Variants in FRK observed in about 807,000 individuals in gnomAD.
The protein encoded by FRK is tyrosine-protein kinase FRK.
A neutral mutation model predicts 56.4 loss-of-function variants in FRK; 51 were observed. That is an observed-to-expected ratio of 0.90 (90% CI 0.72 to 1.14). FRK has a LOEUF of 1.14. FRK is among the 50% of genes most tolerant of loss of function. The pLI is 0.00. For synonymous variants in FRK, 245 were observed against 217.9 expected (o/e 1.12, Z -1.10); for missense variants, 570 against 601.4 (o/e 0.95, Z 0.55).
chr6:115,994,901 A>G (rs1774776695), intron 2 of FRK, among the ~76,000 whole-genome samples: 1 of 152,128 alleles, frequency 6.6e-6, no homozygotes, highest in Non-Finnish European at 1.5e-5. Flanking sequence ...AAATGAAGGG[A>G]GCTATGTGGT....
At chr6:116,096,483 A>G in the FRK span, among the ~76,000 whole-genome samples, 3 of 152,304 alleles carry the variant, frequency 2.0e-5, no homozygotes, top group South Asian at 4.1e-4. Flanking sequence ...TAGCTAAAAG[A>G]CTGTAAACAC....
At chr6:116,059,509 G>T (rs1777534836) in intron 1 of FRK, among the ~76,000 whole-genome samples, 1 of 152,104 alleles carries the variant, frequency 6.6e-6, no homozygotes, top group South Asian at 2.1e-4. Context: ...AAGGGATTAG[G>T]ATTAGAGCTA....
chr6:115,999,433 G>A (rs1371871139), intron 2 of FRK, among the ~76,000 whole-genome samples: 1 of 152,108 alleles, frequency 6.6e-6, no homozygotes, highest in African/African-American at 2.4e-5. Flanking sequence ...GCAGACAGCC[G>A]TGCAGGGATC....
chr6:116,053,672 T>C (rs1777265668), intron 1 of FRK, among the ~76,000 whole-genome samples: 1 of 152,182 alleles, frequency 6.6e-6, no homozygotes, highest in African/African-American at 2.4e-5. Context: ...GCTCAGTAGT[T>C]AATGATTTAT....
the FRK span, among the ~76,000 whole-genome samples, chr6:116,083,361 G>GA: frequency 3.8e-4 from 57 of 149,770 alleles, no homozygotes; most frequent in African/African-American, 1.0e-3. Context: ...GTTTGCATGG[G>GA]AAAAAAAAAG....
chr6:116,065,472 A>G (rs1777743813), upstream of FRK, among the ~76,000 whole-genome samples: 1 of 152,224 alleles, frequency 6.6e-6, no homozygotes, highest in South Asian at 2.1e-4. Context: ...TCTTCTGCAT[A>G]CCTGTTGACC....
rs1383318819 is a variant in FRK, at chr6:115,932,863, T to G, written c.*9551A>C. The stretch of plus-strand genomic sequence containing the variant: ...CCCCTCCTGGTTCATTAGATCCACA[T>G]GGTCATCATACAGATATTGTGGGTA... On this transcript the variant is annotated 3_prime_UTR_variant, in exon 8 of 8. Transcript: ENST00000606080. The G allele has an allele frequency of 6.6e-6, 1 of 152,250 alleles. No homozygotes were observed. Among genetic ancestry groups the G allele is most frequent in the East Asian group, 1.9e-4 (1 of 5,182 alleles). The allele number at this position is 152,250 out of a possible 1,614,324, so 9.4% of individuals were successfully genotyped here.
intron 5 of FRK, among the ~76,000 whole-genome samples, chr6:115,948,296 G>A (rs1562250380): frequency 6.6e-6 from 1 of 152,148 alleles, no homozygotes; most frequent in Non-Finnish European, 1.5e-5. Context: ...GGAGTCAAAT[G>A]AGTGAGTTTA....
chr6:116,022,159 G>T (rs372313984), intron 1 of FRK, among the ~76,000 whole-genome samples: 3 of 151,956 alleles, frequency 2.0e-5, no homozygotes, highest in African/African-American at 7.2e-5. Context: ...ATTTTTTAAA[G>T]AAATTACATT....
At chr6:116,092,893 AC>A in the FRK span, among the ~76,000 whole-genome samples, 6 of 152,120 alleles carry the variant, frequency 3.9e-5, no homozygotes, top group Non-Finnish European at 7.4e-5. Flanking sequence ...GACCAATTTG[AC>A]CCACAAACCC....
chr6:116,064,398 T>C (rs150953393), upstream of FRK, among the ~76,000 whole-genome samples: 5 of 152,238 alleles, frequency 3.3e-5, no homozygotes, highest in African/African-American at 1.2e-4. Flanking sequence ...ATGTAAATAA[T>C]AAATATTTGA....
intron 1 of FRK, among the ~76,000 whole-genome samples, chr6:116,026,156 T>C (rs1211898446): frequency 6.6e-6 from 1 of 152,174 alleles, no homozygotes; most frequent in African/African-American, 2.4e-5. Flanking sequence ...GGGCCTTATC[T>C]TTCCATACTC....
Position 116,021,821 on chromosome 6 carries a change from A to T in FRK, c.345-17823T>A, listed in dbSNP as rs1263903919. 3.3e-5 allele frequency among the ~76,000 whole-genome samples: 5 copies of T among 152,200 alleles called. No individual in the cohort carries two copies. In the East Asian group the frequency reaches 9.6e-4, roughly 29 times the overall value. ...ACCTAGAAGACATAGAAGGAAAGAA[A>T]TAGTAAAGACAACAGTAAAAAATGG... On this transcript the variant is annotated intron_variant, in intron 1 of 7. Transcript: ENST00000606080.
intron 2 of FRK, among the ~76,000 whole-genome samples, chr6:115,970,131 AT>A (rs557321401): frequency 0.016 from 2,298 of 146,650 alleles, 50 homozygotes; most frequent in African/African-American, 0.045. Flanking sequence ...ATAGCTAGGA[AT>A]TTTTTTTTTT....
At chr6:116,038,984 G>C (rs918805708) in intron 1 of FRK, 2 of 712,648 alleles carry the variant, frequency 2.8e-6, no homozygotes, top group African/African-American at 3.5e-5. Flanking sequence ...TTACTTGGGA[G>C]ATCAGCCCTG....
At chr6:116,063,641 G>A (rs1035384267), upstream of FRK, among the ~76,000 whole-genome samples, 5 of 152,068 alleles carry the variant, frequency 3.3e-5, no homozygotes, top group Non-Finnish European at 5.9e-5. Flanking sequence ...TATTCCATTC[G>A]AGACTGTGGA....
intron 2 of FRK, among the ~76,000 whole-genome samples, chr6:115,986,515 C>T (rs1182755229): frequency 6.6e-6 from 1 of 152,120 alleles, no homozygotes; most frequent in Non-Finnish European, 1.5e-5. Flanking sequence ...ATCAACAGAT[C>T]CTGTTTTAGA....
At chr6:116,100,481 T>G in the FRK span, among the ~76,000 whole-genome samples, 1 of 152,194 alleles carries the variant, frequency 6.6e-6, no homozygotes, top group Non-Finnish European at 1.5e-5. Flanking sequence ...GGGTAAAAGG[T>G]CAGGTCTAAC....
chr6:115,943,419 C>T (rs1489875771), intron 6 of FRK, among the ~76,000 whole-genome samples: 29 of 146,712 alleles, frequency 2.0e-4, no homozygotes. Flanking sequence ...AAGAATAGCA[C>T]TGAAAGAAAC....
Sources: allele counts gnomAD v4.1 joint callset (sites outside exome capture counted in the v4.1 genomes callset), GRCh38; gene constraint gnomAD v4.1.1; transcripts MANE v1.5; gene names NCBI Gene and HGNC (gene_info 2026-07-23, HGNC 2026-07-21).